Variants in PLEKHG5 observed in about 807,000 individuals in gnomAD.
PLEKHG5 encodes the protein pleckstrin homology and RhoGEF domain containing G5, also known as pleckstrin homology domain-containing family G member 5.
Under a neutral mutation model 103.8 loss-of-function variants are expected in PLEKHG5, and 52 were observed. That is an observed-to-expected ratio of 0.50 (90% CI 0.40 to 0.63). PLEKHG5 has a LOEUF of 0.63. PLEKHG5 is among the 30% of genes least tolerant of loss of function. The probability of loss-of-function intolerance (pLI) is 0.00; values close to 1 mark genes in which losing one functional copy is unlikely to be tolerated. For missense variants in PLEKHG5, 1,205 were observed against 1,347.6 expected, an observed-to-expected ratio of 0.89 and a Z score of 1.66; for synonymous variants, 592 against 575.5, an observed-to-expected ratio of 1.03 and a Z score of -0.41.
At chr1:6,471,840 C>A in intron 10 of PLEKHG5, 32 bp from the exon 11 acceptor site, 1 of 1,582,118 alleles carries the variant, frequency 6.3e-7, no homozygotes, top group Admixed American at 1.8e-5. Context: ...TGACTGGGGT[C>A]GGGAGGCTGT....
intron 1 of PLEKHG5, among the ~76,000 whole-genome samples, chr1:6,504,893 C>T (rs1022729471): frequency 7.2e-5 from 11 of 152,132 alleles, no homozygotes; most frequent in African/African-American, 2.4e-4. Flanking sequence ...CAAAACCCTT[C>T]GCTGTATGGT....
At position 6,475,084 on chromosome 1, in the gene PLEKHG5, T is replaced by C. The variant is rs981552118; in HGVS notation, c.265A>G (p.Thr89Ala). 1.2e-6 allele frequency: 2 copies of C among 1,611,954 alleles called. No individual in the cohort carries two copies. The highest frequency in any genetic ancestry group is 1.7e-6 in the Non-Finnish European group (2 of 1,178,082). The change falls in exon 5 of 21, where the codon ACA (threonine) becomes GCA (alanine). Residue 89 changes from threonine to alanine, a missense_variant. Thr to Ala is a moderately conservative substitution (Grantham distance 58). Transcript: ENST00000377728. ...TTCTTCATGGCTGGGACGATCTCTG[T>C]CTCAATGTCCACATTCAGGTCAAAT... Reference protein sequence around the residue: ...LKFDLNVDIETEIVPAMKKKS... With the variant: ...LKFDLNVDIEAEIVPAMKKKS...
At chr1:6,519,520 T>A in exon 1 of PLEKHG5, 2 of 1,612,258 alleles carry the variant, frequency 1.2e-6, no homozygotes, top group South Asian at 2.2e-5. Context: ...ATGCTTGACC[T>A]CTGCGGTGGT....
Position 6,490,395 on chromosome 1 carries a change from C to T in PLEKHG5, c.-88+1242G>A. ...CATCGGTTTAGGGGGGTCCTGGCGCCTAGTCCCACCCCCCGTCCGGAGCGC... is the reference window on the plus strand; with the variant it reads ...CATCGGTTTAGGGGGGTCCTGGCGCTTAGTCCCACCCCCCGTCCGGAGCGC... On this transcript the variant is annotated intron_variant, in intron 1 of 20. Coordinates refer to ENST00000377728, the MANE Select transcript of PLEKHG5 (RefSeq NM_020631.6). This position sits in a 1 kb window ranked among gnomAD's most constrained non-coding sequence, Gnocchi z 8.0. The T allele has an allele frequency of 1.0e-6, 1 of 961,098 alleles. No homozygotes were observed. The allele number at this position is 961,098 out of a possible 1,614,324, so 59.5% of individuals were successfully genotyped here. A position where few individuals can be genotyped will look rare whatever the true frequency, so the allele number is the denominator to read the frequency against.
At chr1:6,499,396 C>T (rs1216050576), upstream of PLEKHG5, among the ~76,000 whole-genome samples, 1 of 152,210 alleles carries the variant, frequency 6.6e-6, no homozygotes, top group African/African-American at 2.4e-5. Context: ...TCTCCGGCCT[C>T]TGACCCCTGG....
At chr1:6,498,207 CCAGGAGG>C (rs949093933), upstream of PLEKHG5, among the ~76,000 whole-genome samples, 2 of 152,170 alleles carry the variant, frequency 1.3e-5, no homozygotes, top group African/African-American at 4.8e-5. Context: ...CACACTGGCA[CCAGGAGG>C]CATTGCGCCG....
intron 1 of PLEKHG5, among the ~76,000 whole-genome samples, chr1:6,515,960 C>G (rs1638600709): frequency 1.3e-5 from 2 of 152,236 alleles, no homozygotes; most frequent in South Asian, 4.1e-4. Flanking sequence ...ACCACTTACT[C>G]TGCTGGTGGG....
At chr1:6,500,961 C>T (rs1645290626), upstream of PLEKHG5, among the ~76,000 whole-genome samples, 1 of 152,212 alleles carries the variant, frequency 6.6e-6, no homozygotes, top group South Asian at 2.1e-4. Flanking sequence ...AGAACTGGGC[C>T]TCGGGGCGCG....
intron 1 of PLEKHG5, among the ~76,000 whole-genome samples, chr1:6,488,865 G>A (rs781192545): frequency 6.6e-6 from 1 of 152,106 alleles, no homozygotes; most frequent in Non-Finnish European, 1.5e-5. Context: ...TGCGGAGGCT[G>A]ATGAATAATG....
At chr1:6,504,611 C>T (rs1280610263) in intron 1 of PLEKHG5, among the ~76,000 whole-genome samples, 1 of 150,346 alleles carries the variant, frequency 6.7e-6, no homozygotes, top group African/African-American at 2.5e-5. Context: ...GCTCTGTCAC[C>T]CATGCTGGAG....
intron 1 of PLEKHG5, among the ~76,000 whole-genome samples, chr1:6,503,659 C>T (rs1263391831): frequency 2.6e-5 from 4 of 152,188 alleles, no homozygotes; most frequent in African/African-American, 9.6e-5. Flanking sequence ...ATCCACCCGC[C>T]TCGGCCTAGC....
chr1:6,518,462 A>T (rs1317423496), intron 1 of PLEKHG5, among the ~76,000 whole-genome samples: 1 of 150,574 alleles, frequency 6.6e-6, no homozygotes, highest in Admixed American at 6.6e-5. Flanking sequence ...CGGGAGGCTG[A>T]GGCAGGAGAA....
Position 6,469,581 on chromosome 1 carries a change from G to C in PLEKHG5, c.1896C>G (p.Leu632=). 1 of 1,613,852 alleles carries C rather than the reference G, an allele frequency of 6.2e-7. No individual in the cohort carries two copies. The highest frequency in any genetic ancestry group is 8.5e-7 in the Non-Finnish European group (1 of 1,180,042). ...GCTCCCGGCACACAATCTTGTCCAC[G>C]AGCAGGGGTGGCCTGATGACCCTGG... The part of the protein sequence containing the change: ...ERTRVIRPPL[L]VDKIVCRELR... Residue 632 remains leucine (L), a synonymous_variant, in exon 17 of 21, where the codon CTC becomes CTG. Transcript: ENST00000377728.
rs985874425 is a variant in PLEKHG5, at chr1:6,505,446, G to C, written c.-164-8877C>G. Among the ~76,000 whole-genome samples, 2 of 152,012 alleles carry C rather than the reference G, an allele frequency of 1.3e-5. No individual in the cohort carries two copies. Among genetic ancestry groups the C allele is most frequent in the African/African-American group, 2.4e-5 (1 of 41,374 alleles). On this transcript the variant is annotated intron_variant, in intron 1 of 21. Coordinates refer to the PLEKHG5 transcript ENST00000377740. This position sits in a 1 kb window ranked among gnomAD's most constrained non-coding sequence, Gnocchi z 4.2. ...TCTCAGCCTCCCAGTGACCCCCAAG[G>C]CATCATTATTCCCATTCACAGCTCC...
chr1:6,474,231 C>G lies in PLEKHG5; in HGVS notation c.440-67G>C, dbSNP rs114755840. ...GGTGGAGGAGGGGGTCCCCGGTCCTCTCTCCCCGGAGGATCCACACCAAGG... is the reference window on the plus strand; with the variant it reads ...GGTGGAGGAGGGGGTCCCCGGTCCTGTCTCCCCGGAGGATCCACACCAAGG... On this transcript the variant is annotated intron_variant, in intron 6 of 20. Coordinates refer to ENST00000377728, the MANE Select transcript of PLEKHG5 (RefSeq NM_020631.6). The G allele has an allele frequency of 3.8e-6, 6 of 1,576,582 alleles. No homozygotes were observed. In the African/African-American group the frequency reaches 8.1e-5, roughly 21 times the overall value.
In PLEKHG5 at chr1:6,473,097, C is replaced by A; in HGVS notation, c.873G>T (p.Gly291=). 6.2e-7 allele frequency: 1 copy of A among 1,613,750 alleles called. No individual in the cohort carries two copies. The highest frequency in any genetic ancestry group is 8.5e-7 in the Non-Finnish European group (1 of 1,179,714). ...SLFGLPRLPR[G]LRFDHDSWEE... ...CCCAGGAGTCATGGTCGAAGCGCAG[C>A]CCCCGGGGCAGCCTGGGCAGCCCGA... is the stretch of plus-strand genomic sequence containing the variant. Residue 291 remains glycine (G), a synonymous_variant, in exon 9 of 21, where the codon GGG becomes GGT. Coordinates refer to ENST00000377728, the MANE Select transcript of PLEKHG5 (RefSeq NM_020631.6).
chr1:6,517,538 C>T (rs1467527763), intron 1 of PLEKHG5, among the ~76,000 whole-genome samples: 1 of 152,116 alleles, frequency 6.6e-6, no homozygotes, highest in Non-Finnish European at 1.5e-5. Context: ...AACATGCTGT[C>T]GCTGTCACTG....
At chr1:6,496,925 G>A, upstream of PLEKHG5, 2 of 1,484,294 alleles carry the variant, frequency 1.3e-6, no homozygotes, top group Non-Finnish European at 1.8e-6. Flanking sequence ...TGGGGGGAAG[G>A]GGCTCCAAGA....
At chr1:6,485,095 G>C (rs369672033) in intron 1 of PLEKHG5, among the ~76,000 whole-genome samples, 4 of 152,162 alleles carry the variant, frequency 2.6e-5, no homozygotes, top group East Asian at 3.9e-4. Flanking sequence ...GCCAAGAATT[G>C]GCGGGGACAT....
Sources: allele counts gnomAD v4.1 joint callset (sites outside exome capture counted in the v4.1 genomes callset), GRCh38; gene constraint gnomAD v4.1.1; non-coding constraint Gnocchi (gnomAD v3.1); transcripts MANE v1.5; gene names NCBI Gene and HGNC (gene_info 2026-07-23, HGNC 2026-07-21).